The following KCP variants were observed in gnomAD, a reference collection of about 807,000 sequenced individuals.
KCP encodes the protein kielin cysteine rich BMP regulator.
A neutral mutation model predicts 212.7 loss-of-function variants in KCP; 194 were observed. The ratio of observed to expected loss-of-function variants is 0.91; its 90% CI spans 0.81 to 1.03. The LOEUF (loss-of-function observed/expected upper bound fraction) is 1.03, where lower values mean the gene tolerates loss of function less well. KCP is among the 50% of genes least tolerant of loss of function. KCP has a pLI of 0.00. For synonymous variants in KCP, 833 were observed against 865.3 expected (o/e 0.96, Z 0.65); for missense variants, 2,080 against 2,162.5 (o/e 0.96, Z 0.76).
chr7:128,904,393 CA>C, intron 5 of KCP: 1 of 1,540,982 alleles, frequency 6.5e-7, no homozygotes, highest in Middle Eastern at 1.7e-4. Context: ...GCAGGGCAGA[CA>C]CTGAGCCAGC....
In KCP at chr7:128,877,155, T is replaced by C; in HGVS notation, c.4775A>G (p.Glu1592Gly). Residue 1592 changes from glutamate (E) to glycine (G), a missense_variant, in exon 40 of 40, where the codon GAG becomes GGG. Physicochemically the swap from Glu to Gly is moderately conservative, Grantham distance 98. Coordinates refer to ENST00000610776, the MANE Select transcript of KCP (RefSeq NM_001366122.1). ...PGCQCPAGLV[E>G]HEAHCIPPEA... ...GGGTGGGATGCAGTGGGCCTCATGC[T>C]CCACCAGGCCTGCAGGGCACTGGCA... The C allele has an allele frequency of 1.3e-6, 2 of 1,500,420 alleles. No individual in the cohort carries two copies. The highest frequency in any genetic ancestry group is 1.8e-6 in the Non-Finnish European group (2 of 1,125,786). 92.9% of individuals were successfully genotyped at this position (1,500,420 alleles called of 1,614,324 possible).
At chr7:128,909,835 G>A (rs1053058789) in intron 1 of KCP, among the ~76,000 whole-genome samples, 1 of 152,136 alleles carries the variant, frequency 6.6e-6, no homozygotes, top group Non-Finnish European at 1.5e-5. Flanking sequence ...CAAACCCCAG[G>A]TGCCCTTTCC....
chr7:128,908,440 C>A lies in KCP; in HGVS notation c.205G>T (p.Glu69Ter). Reference sequence around the variant, plus strand: ...CTCCATGGTACCTGTTCTCTGAGCTCCATCACTGCAGCCTCCAGTCGCCCC... The same window carrying A: ...CTCCATGGTACCTGTTCTCTGAGCTACATCACTGCAGCCTCCAGTCGCCCC... ...WLGRLEAAVM[E>*]LREQNKDLQT... The change falls in exon 2 of 40, where the codon GAG becomes TAG. Residue 69 changes from glutamate to a stop codon, truncating the protein, a stop_gained. Coordinates refer to ENST00000610776, the MANE Select transcript of KCP (RefSeq NM_001366122.1). LOFTEE classifies it high-confidence loss of function. The A allele has an allele frequency of 3.9e-6, 6 of 1,551,604 alleles. No individual in the cohort carries two copies. Among genetic ancestry groups the A allele is most frequent in the Non-Finnish European group, 5.2e-6 (6 of 1,146,950 alleles).
At chr7:128,902,603 G>A (rs765168686) in intron 8 of KCP, among the ~76,000 whole-genome samples, 174 bp downstream of exon 8, 14 of 152,302 alleles carry the variant, frequency 9.2e-5, no homozygotes, top group Non-Finnish European at 1.6e-4. Context: ...AGCTGGGCAC[G>A]CAGATGAGCT....
intron 13 of KCP, 28 bp from the exon 14 acceptor site, chr7:128,893,049 G>A: frequency 1.1e-6 from 1 of 874,934 alleles, no homozygotes; most frequent in Non-Finnish European, 1.9e-6. Flanking sequence ...TCACATGGCA[G>A]CCTACACACC....
rs777687642 is a variant in KCP at position 128,892,880 on chromosome 7, G to A, written c.1409C>T (p.Thr470Ile). The change falls in exon 14 of 40, where the codon ACC becomes ATC. Residue 470 changes from threonine (T) to isoleucine (I), a missense_variant. Coordinates refer to ENST00000610776, the MANE Select transcript of KCP (RefSeq NM_001366122.1). ...GCCCAGGCACTCACCAGGGGGCTGGGTGGGGTGCTGGCAGGGGGCTGGGGG... is the reference window on the plus strand; with the variant it reads ...GCCCAGGCACTCACCAGGGGGCTGGATGGGGTGCTGGCAGGGGGCTGGGGG... ...LCPPAPCQHP[T>I]QPPGACCPSC... 37 of 1,550,646 alleles carry A rather than the reference G, an allele frequency of 2.4e-5. No individual in the cohort carries two copies. The highest frequency in any genetic ancestry group is 1.5e-4 in the African/African-American group (11 of 73,100).
At chr7:128,878,981 A>G (rs2128944032) in intron 37 of KCP, 2 of 493,292 alleles carry the variant, frequency 4.1e-6, no homozygotes, top group South Asian at 6.5e-5. Context: ...TCCTGCTGCC[A>G]TCCCTGCACT....
At chr7:128,903,662 G>A in intron 7 of KCP, 65 bp downstream of exon 7, 3 of 1,350,674 alleles carry the variant, frequency 2.2e-6, no homozygotes, top group Non-Finnish European at 3.0e-6. Flanking sequence ...GGTGGGCTCT[G>A]GAATTCAAGA....
At chr7:128,887,735 CCA>C (rs1291398969) in intron 22 of KCP, among the ~76,000 whole-genome samples, 1 of 139,676 alleles carries the variant, frequency 7.2e-6, no homozygotes, top group African/African-American at 2.7e-5. Context: ...ACAGCCACAC[CCA>C]CACTCTCATA....
chr7:128,904,004 G>A, intron 6 of KCP, 52 bp downstream of exon 6: 1 of 1,480,292 alleles, frequency 6.8e-7, no homozygotes, highest in Non-Finnish European at 9.2e-7. Context: ...CCAGGGCAGG[G>A]CAGGTGTCCA....
intron 21 of KCP, among the ~76,000 whole-genome samples, chr7:128,889,413 C>A (rs1288716325): frequency 6.6e-6 from 1 of 152,040 alleles, no homozygotes; most frequent in Non-Finnish European, 1.5e-5. Context: ...CCCAAGGTAG[C>A]GCCTTTCCCA....
In KCP at chr7:128,892,525, G is replaced by A; in HGVS notation, c.1610C>T (p.Pro537Leu). ...GAGTGCCCACATACCTGGGCACCTG[G>A]GGCAACACTGGCCTGGTCCACTCTG... ...RPQSGPGQCCPRCPDCILEEE... is the reference protein window; with the variant it reads ...RPQSGPGQCCLRCPDCILEEE... The change falls in exon 16 of 40, where the codon CCC (proline) becomes CTC (leucine). Residue 537 changes from proline to leucine, a missense_variant. By Grantham distance (98) the Pro-to-Leu change is moderately conservative. Coordinates refer to ENST00000610776, the MANE Select transcript of KCP (RefSeq NM_001366122.1). The A allele has an allele frequency of 2.0e-6, 3 of 1,532,936 alleles. 1 individual carries two copies. In the African/African-American group the frequency reaches 4.1e-5, roughly 21 times the overall value. The allele number at this position is 1,532,936 out of a possible 1,614,324, so 95.0% of individuals were successfully genotyped here.
In KCP at chr7:128,908,462, C is replaced by T. The variant is rs1343416891; in HGVS notation, c.183G>A (p.Gly61=). The change falls in exon 2 of 40, where the codon GGG becomes GGA. Residue 61 remains glycine, a synonymous_variant. Coordinates refer to ENST00000610776, the MANE Select transcript of KCP (RefSeq NM_001366122.1). The part of the protein sequence containing the change: ...EQWHPLREWL[G]RLEAAVMELR... Reference sequence around the variant, plus strand: ...GCTCCATCACTGCAGCCTCCAGTCGCCCCAGCCACTCTCGCAGGGGGTGCC... The same window carrying T: ...GCTCCATCACTGCAGCCTCCAGTCGTCCCAGCCACTCTCGCAGGGGGTGCC... 1.3e-6 allele frequency: 2 copies of T among 1,551,906 alleles called. No individual in the cohort carries two copies. The highest frequency in any genetic ancestry group is 2.4e-5 in the South Asian group (2 of 84,060).
chr7:128,885,211 C>T lies in KCP; in HGVS notation c.2926G>A (p.Ala976Thr). Reference protein sequence around the residue: ...EGSRWVPPDSACSSCVCHEGV... With the variant: ...EGSRWVPPDSTCSSCVCHEGV... ...TCGTGACACACACAGGAGGAGCAGGCACTGTCGGGGGGCACCCATCTACTG... is the reference window on the plus strand; with the variant it reads ...TCGTGACACACACAGGAGGAGCAGGTACTGTCGGGGGGCACCCATCTACTG... Residue 976 changes from alanine to threonine, a missense_variant, in exon 27 of 40, where the codon GCC becomes ACC. Physicochemically the swap from Ala to Thr is moderately conservative, Grantham distance 58. Coordinates refer to ENST00000610776, the MANE Select transcript of KCP (RefSeq NM_001366122.1). 6.4e-7 allele frequency: 1 copy of T among 1,550,834 alleles called. No individual in the cohort carries two copies. The highest frequency in any genetic ancestry group is 1.4e-5 in the African/African-American group (1 of 73,178).
chr7:128,907,524 G>T, intron 2 of KCP, 71 bp from the exon 3 acceptor site: 1 of 1,086,144 alleles, frequency 9.2e-7, no homozygotes. Context: ...GATGAGGGGT[G>T]TGAAAATGAG....
chr7:128,884,815 G>A lies in KCP; in HGVS notation c.3089C>T (p.Pro1030Leu). Residue 1030 changes from proline to leucine, a missense_variant, in exon 28 of 40, where the codon CCT becomes CTT. By Grantham distance (98) the Pro-to-Leu change is moderately conservative. Transcript: ENST00000610776. The part of the protein sequence containing the change: ...RKYEPGESFQ[P>L]GADPCEVCIC... Reference sequence around the variant, plus strand: ...GCACACTTCACAGGGGTCTGCCCCAGGCTGGAAGCTCTCCCCAGGCTCGTA... The same window carrying A: ...GCACACTTCACAGGGGTCTGCCCCAAGCTGGAAGCTCTCCCCAGGCTCGTA... 2 of 1,551,092 alleles carry A rather than the reference G, an allele frequency of 1.3e-6. No individual in the cohort carries two copies. Among genetic ancestry groups the A allele is most frequent in the African/African-American group, 1.4e-5 (1 of 73,174 alleles).
chr7:128,906,290 T>A lies in KCP; in HGVS notation c.560A>T (p.His187Leu). 2 of 1,550,928 alleles carry A rather than the reference T, an allele frequency of 1.3e-6. No homozygotes were observed. Among genetic ancestry groups the A allele is most frequent in the South Asian group, 2.4e-5 (2 of 84,028 alleles). The change falls in exon 5 of 40, where the codon CAC (histidine) becomes CTC (leucine). Residue 187 changes from histidine to leucine, a missense_variant. Coordinates refer to ENST00000610776, the MANE Select transcript of KCP (RefSeq NM_001366122.1). ...GGCAGGAGGCTGACCTGGCTTACAG[T>A]GCGGGCAGCATGCTCCTGGCTCAGG... ...PCPEPGACCP[H>L]CKPGCDYEGQ...
chr7:128,896,877 A>C (rs1794558460), intron 8 of KCP, among the ~76,000 whole-genome samples: 1 of 139,966 alleles, frequency 7.1e-6, no homozygotes, highest in Non-Finnish European at 1.5e-5. Flanking sequence ...GCGACAGAGC[A>C]AGACTCCATC....
chr7:128,891,710 G>T lies in KCP; in HGVS notation c.1731C>A (p.Arg577=). Residue 577 remains arginine (R), a synonymous_variant, in exon 17 of 40, where the codon CGC becomes CGA. Transcript: ENST00000610776. ...GGGCACAGGGGGCCCTGGGGCAGGG[G>T]CGAGGCTGGCAGTGGGCATGGCCTT... is the stretch of plus-strand genomic sequence containing the variant. ...CQEGHAHCQP[R]PCPRAPCAHP... 6.9e-7 allele frequency: 1 copy of T among 1,449,890 alleles called. No individual in the cohort carries two copies. 89.8% of individuals were successfully genotyped at this position (1,449,890 alleles called of 1,614,324 possible). A position where few individuals can be genotyped will look rare whatever the true frequency, so the allele number is the denominator to read the frequency against.
Sources: allele counts gnomAD v4.1 joint callset (sites outside exome capture counted in the v4.1 genomes callset), GRCh38; gene constraint gnomAD v4.1.1; transcripts MANE v1.5; gene names NCBI Gene and HGNC (gene_info 2026-07-23, HGNC 2026-07-21).